Variants in ATP6V0E1 observed in about 807,000 individuals in gnomAD.
ATP6V0E1 encodes the protein V-type proton ATPase subunit e 1.
Under a neutral mutation model 11.6 loss-of-function variants are expected in ATP6V0E1, and 4 were observed. That is an observed-to-expected ratio of 0.35 (90% CI 0.17 to 0.79). ATP6V0E1 has a LOEUF of 0.79. Among genes scored for constraint, ATP6V0E1 ranks in the 30% least tolerant of loss-of-function variants. The pLI, the probability that ATP6V0E1 is intolerant of heterozygous loss-of-function variation, is 0.54. For synonymous variants in ATP6V0E1, 36 were observed against 34.8 expected (o/e 1.04, Z -0.13); for missense variants, 105 against 100.0 (o/e 1.05, Z -0.21).
intron 1 of ATP6V0E1, among the ~76,000 whole-genome samples, chr5:172,993,239 T>TG (rs528004527): frequency 7.4e-4 from 112 of 152,322 alleles, no homozygotes; most frequent in Non-Finnish European, 1.4e-3. Context: ...ACACACACAG[T>TG]GGCTCATGCC....
At chr5:172,996,853 A>G (rs1756074995) in intron 2 of ATP6V0E1, among the ~76,000 whole-genome samples, 1 of 152,174 alleles carries the variant, frequency 6.6e-6, no homozygotes, top group African/African-American at 2.4e-5. Context: ...ATTTTTAAAA[A>G]ATTACTTTTC....
At chr5:172,998,955 G>T (rs1235877304) in intron 2 of ATP6V0E1, among the ~76,000 whole-genome samples, 1 of 152,082 alleles carries the variant, frequency 6.6e-6, no homozygotes, top group African/African-American at 2.4e-5. Flanking sequence ...TGGCCAACAC[G>T]GTGAAACCCC....
At chr5:173,023,162 T>A (rs1756509260) in intron 3 of ATP6V0E1, among the ~76,000 whole-genome samples, 1 of 150,388 alleles carries the variant, frequency 6.6e-6, no homozygotes, top group African/African-American at 2.5e-5. Flanking sequence ...TGGCCGCAAA[T>A]GATGATTTTT....
At chr5:173,031,417 CTCT>C (rs1756650036) in intron 3 of ATP6V0E1, among the ~76,000 whole-genome samples, 1 of 138,686 alleles carries the variant, frequency 7.2e-6, no homozygotes, top group African/African-American at 2.8e-5. Context: ...AACCTTATGA[CTCT>C]TTTTTTTTTT....
chr5:172,997,888 G>A (rs935687053), intron 2 of ATP6V0E1, among the ~76,000 whole-genome samples: 4 of 152,002 alleles, frequency 2.6e-5, no homozygotes, highest in African/African-American at 9.7e-5. Context: ...AAGCTGAGGC[G>A]GGCAGATCAC....
At chr5:172,999,417 G>A (rs1389741181) in intron 2 of ATP6V0E1, among the ~76,000 whole-genome samples, 2 of 151,840 alleles carry the variant, frequency 1.3e-5, no homozygotes, top group East Asian at 3.9e-4. Flanking sequence ...TCAAACTCCT[G>A]GGCTGAAGCA....
chr5:173,001,740 C>T (rs992090715), intron 2 of ATP6V0E1, among the ~76,000 whole-genome samples: 4 of 149,802 alleles, frequency 2.7e-5, no homozygotes, highest in Non-Finnish European at 4.4e-5. Context: ...TCCCCCGAGA[C>T]GGAGTTTCAC....
At chr5:173,020,847 G>T (rs1461369829) in intron 3 of ATP6V0E1, 2 of 519,834 alleles carry the variant, frequency 3.8e-6, no homozygotes, top group Non-Finnish European at 7.7e-6. Flanking sequence ...GTCTGGCACT[G>T]GTGCAAGACA....
chr5:173,026,008 T>G (rs916172340), intron 3 of ATP6V0E1, among the ~76,000 whole-genome samples: 4 of 152,052 alleles, frequency 2.6e-5, no homozygotes, highest in African/African-American at 9.7e-5. Context: ...TAATATTTTT[T>G]TTTTTTTCGA....
chr5:173,027,178 CAA>C (rs1158447516), intron 3 of ATP6V0E1, among the ~76,000 whole-genome samples: 76 of 26,044 alleles, frequency 2.9e-3, no homozygotes, highest in African/African-American at 8.8e-3. Flanking sequence ...GACTCCGTCT[CAA>C]AAAAAAAAAA....
rs534415336 is a variant in ATP6V0E1, at chr5:172,986,685, C to T, written c.104+2721C>T. Reference sequence around the variant, plus strand: ...GGGAAGAGGCTGCAGGCACCATGTCCATTTTCACAGATGGCAGGAAGAAGC... The same window carrying T: ...GGGAAGAGGCTGCAGGCACCATGTCTATTTTCACAGATGGCAGGAAGAAGC... On this transcript the variant is annotated intron_variant, in intron 1 of 3. Transcript: ENST00000519374. 2.4e-5 allele frequency: 11 copies of T among 451,078 alleles called. No individual in the cohort carries two copies. In the East Asian group the frequency reaches 5.0e-4, roughly 21 times the overall value. The allele number at this position is 451,078 out of a possible 1,614,324, so 27.9% of individuals were successfully genotyped here.
At chr5:173,011,175 CTTTT>C (rs754605378) in intron 2 of ATP6V0E1, among the ~76,000 whole-genome samples, 3 of 114,700 alleles carry the variant, frequency 2.6e-5, no homozygotes, top group African/African-American at 9.4e-5. Flanking sequence ...CCTGATTTAT[CTTTT>C]TTTTTTTTTT....
chr5:173,011,682 C>T (rs1004634308), intron 2 of ATP6V0E1, among the ~76,000 whole-genome samples: 1 of 152,182 alleles, frequency 6.6e-6, no homozygotes, highest in Non-Finnish European at 1.5e-5. Flanking sequence ...TCTCTGAAGA[C>T]ATTATTGCAC....
chr5:173,022,460 C>G (rs1756500421), intron 3 of ATP6V0E1, among the ~76,000 whole-genome samples: 2 of 152,130 alleles, frequency 1.3e-5, no homozygotes, highest in African/African-American at 4.8e-5. Context: ...TGATTTGCTG[C>G]TGCTGCTGTT....
At chr5:173,023,315 T>C (rs1756510983) in intron 3 of ATP6V0E1, among the ~76,000 whole-genome samples, 1 of 152,184 alleles carries the variant, frequency 6.6e-6, no homozygotes, top group Non-Finnish European at 1.5e-5. Flanking sequence ...TGCCTCAGGC[T>C]CCCAAGTAGC....
chr5:173,027,730 AG>A (rs1462335651), intron 3 of ATP6V0E1, among the ~76,000 whole-genome samples: 1 of 152,112 alleles, frequency 6.6e-6, no homozygotes, highest in African/African-American at 2.4e-5. Context: ...CTGGGATTAC[AG>A]GCATGAGCCA....
chr5:173,000,966 G>C lies in ATP6V0E1; in HGVS notation c.152+6144G>C, dbSNP rs538856182. ...TCCACCCACCTTGGCCTCCCAAAGTGCTGGGATTACAGGTGTGAGCCACCG... is the reference window on the plus strand; with the variant it reads ...TCCACCCACCTTGGCCTCCCAAAGTCCTGGGATTACAGGTGTGAGCCACCG... On this transcript the variant is annotated intron_variant, in intron 2 of 3. Coordinates refer to ENST00000519374, the MANE Select transcript of ATP6V0E1 (RefSeq NM_003945.4). Among the ~76,000 whole-genome samples, 4 of 152,288 alleles carry C rather than the reference G, an allele frequency of 2.6e-5. No individual in the cohort carries two copies. The South Asian group carries it at 6.2e-4, about 24-fold the overall frequency.
chr5:172,992,206 A>G (rs1478329262), intron 1 of ATP6V0E1, among the ~76,000 whole-genome samples: 2 of 151,702 alleles, frequency 1.3e-5, no homozygotes. Flanking sequence ...GCCCGCCACC[A>G]CGCCCGGCTA....
At chr5:173,021,136 G>A (rs1278199935) in intron 3 of ATP6V0E1, among the ~76,000 whole-genome samples, 1 of 152,056 alleles carries the variant, frequency 6.6e-6, no homozygotes, top group African/African-American at 2.4e-5. Flanking sequence ...CAAAAGGGGG[G>A]CAGCCGTGTC....
Sources: gnomAD v4.1 joint callset for allele counts (sites outside exome capture counted in the v4.1 genomes callset) on GRCh38, gnomAD v4.1.1 for gene constraint, MANE v1.5 for transcripts, NCBI Gene and HGNC (gene_info 2026-07-23, HGNC 2026-07-21) for gene names.